Variants in SNAPC2 observed in about 807,000 individuals in gnomAD.
SNAPC2 encodes small nuclear RNA activating complex polypeptide 2.
A neutral mutation model predicts 22.9 loss-of-function variants in SNAPC2; 27 were observed. The observed-to-expected ratio is 1.18, with a 90% CI of 0.87 to 1.63. The LOEUF (loss-of-function observed/expected upper bound fraction) is 1.63, where lower values mean the gene tolerates loss of function less well. SNAPC2 is among the 40% of genes most tolerant of loss of function. The pLI is 0.00. For synonymous variants in SNAPC2, 272 were observed against 201.0 expected (o/e 1.35, Z -2.99); for missense variants, 570 against 449.1 (o/e 1.27, Z -2.43).
rs1424610309 is a variant in SNAPC2 at position 7,922,471 on chromosome 19, A to G, written c.712A>G (p.Met238Val). The G allele has an allele frequency of 1.3e-6, 2 of 1,597,114 alleles. No homozygotes were observed. The highest frequency in any genetic ancestry group is 1.3e-5 in the African/African-American group (1 of 74,294). The change falls in exon 5 of 5, where the codon ATG (methionine) becomes GTG (valine). Residue 238 changes from methionine (M) to valine (V), a missense_variant. Physicochemically the swap from Met to Val is conservative, Grantham distance 21. Coordinates refer to ENST00000221573, the MANE Select transcript of SNAPC2 (RefSeq NM_003083.4). Reference sequence around the variant, plus strand: ...GTCCGCTGTGGTCCTCGACCTGCTCATGTCACTTCCAGAGGAGCTGCCACT... The same window carrying G: ...GTCCGCTGTGGTCCTCGACCTGCTCGTGTCACTTCCAGAGGAGCTGCCACT... The part of the protein sequence containing the change: ...AESAVVLDLL[M>V]SLPEELPLLP...
Position 7,922,921 on chromosome 19 carries a change from G to C in SNAPC2, c.*157G>C. On this transcript the variant is annotated 3_prime_UTR_variant, in exon 5 of 5. Transcript: ENST00000221573. ...GCCTCTAAGATGCCCCATACTTTGG[G>C]GGTCTCAGAAATGGAACCCCCGTTG... 5.0e-6 allele frequency: 3 copies of C among 604,220 alleles called. No homozygotes were observed. Among genetic ancestry groups the C allele is most frequent in the South Asian group, 2.4e-5 (1 of 42,466 alleles). The allele number at this position is 604,220 out of a possible 1,614,324, so 37.4% of individuals were successfully genotyped here. A position where few individuals can be genotyped will look rare whatever the true frequency, so the allele number is the denominator to read the frequency against.
At position 7,921,506 on chromosome 19, in the gene SNAPC2, A is replaced by C. The variant is rs1340634958; in HGVS notation, c.267A>C (p.Pro89=). The C allele has an allele frequency of 6.2e-7, 1 of 1,613,574 alleles. No homozygotes were observed. Among genetic ancestry groups the C allele is most frequent in the Non-Finnish European group, 8.5e-7 (1 of 1,179,832 alleles). ...TGCATCCGGGTGGCCTTCAGGGACC[A>C]AGGCGCCGGGAGGCACAGCCCCCAG... The part of the protein sequence containing the change: ...QKVHPGGLQG[P]RRREAQPPAP... Residue 89 remains proline (P), a synonymous_variant, in exon 2 of 5, where the codon CCA becomes CCC. Transcript: ENST00000221573.
chr19:7,922,516 G>GTC lies in SNAPC2; in HGVS notation c.758_759insCT (p.Glu254LeufsTer4). 1 of 1,611,796 alleles carries GTC rather than the reference G, an allele frequency of 6.2e-7. No individual in the cohort carries two copies. The highest frequency in any genetic ancestry group is 1.1e-5 in the South Asian group (1 of 90,954). On this transcript the variant is annotated frameshift_variant, in exon 5 of 5. Coordinates refer to ENST00000221573, the MANE Select transcript of SNAPC2 (RefSeq NM_003083.4). LOFTEE classifies it low-confidence loss of function (END_TRUNC). ...GCCACTCCTGCCCTGCACAGCCCTGGTTGAGCATATGACGGAGACGTACCT... is the reference window on the plus strand; with the variant it reads ...GCCACTCCTGCCCTGCACAGCCCTGGTCTTGAGCATATGACGGAGACGTACCT...
rs370465466 is a variant in SNAPC2 at position 7,922,171 on chromosome 19, C to T, written c.509C>T (p.Ser170Phe). 4.3e-6 allele frequency: 7 copies of T among 1,614,174 alleles called. No homozygotes were observed. The African/African-American group carries it at 6.7e-5, about 15-fold the overall frequency. The change falls in exon 4 of 5, where the codon TCT becomes TTT. Residue 170 changes from serine to phenylalanine, a missense_variant. Ser to Phe is a radical substitution (Grantham distance 155). Transcript: ENST00000221573. Reference protein sequence around the residue: ...QEDPAPEIPSSAPAAPSSAPR... With the variant: ...QEDPAPEIPSFAPAAPSSAPR... ...GACCCCGCCCCTGAAATACCTAGCT[C>T]TGCCCCTGCTGCACCTAGCTCCGCA...
rs747428865 is a variant in SNAPC2, at chr19:7,920,435, C to G, written c.69C>G (p.Thr23=). The change falls in exon 1 of 5, where the codon ACC becomes ACG. Residue 23 remains threonine, a synonymous_variant. Coordinates refer to ENST00000221573, the MANE Select transcript of SNAPC2 (RefSeq NM_003083.4). ...TGGGCGAGGTGACCGGTCCCGCGAC[C>G]TGGAGCGCTCGCGAGAAGCGGCAGC... ...RYLGEVTGPA[T]WSAREKRQLV... is the part of the protein sequence containing the mutation. 3 of 1,571,060 alleles carry G rather than the reference C, an allele frequency of 1.9e-6. No homozygotes were observed. Among genetic ancestry groups the G allele is most frequent in the South Asian group, 2.3e-5 (2 of 87,900 alleles).
chr19:7,921,716 T>G lies in SNAPC2; in HGVS notation c.315T>G (p.Asp105Glu). The G allele has an allele frequency of 6.2e-7, 1 of 1,613,680 alleles. No individual in the cohort carries two copies. Among genetic ancestry groups the G allele is most frequent in the Non-Finnish European group, 8.5e-7 (1 of 1,179,826 alleles). ...QPPAPIEVWT[D>E]LAEKITGPLE... ...CTGGCTTCACTCAGGTCTGGACGGA[T>G]CTGGCTGAGAAGATAACAGGGCCAC... Residue 105 changes from aspartate to glutamate, a missense_variant, in exon 3 of 5, where the codon GAT becomes GAG. Transcript: ENST00000221573.
In SNAPC2 at chr19:7,923,019, G is replaced by T; in HGVS notation, c.*255G>T. ...ATGTCAAGGACAGGCGGACAGGGCT[G>T]GCCTCCCCCAGTCCCCAAGCCCCAC... is the stretch of plus-strand genomic sequence containing the variant. On this transcript the variant is annotated 3_prime_UTR_variant, in exon 5 of 5. Transcript: ENST00000221573. 2.2e-6 allele frequency: 1 copy of T among 457,804 alleles called. No individual in the cohort carries two copies. Among genetic ancestry groups the T allele is most frequent in the Non-Finnish European group, 3.9e-6 (1 of 258,474 alleles). The allele number at this position is 457,804 out of a possible 1,614,324, so 28.4% of individuals were successfully genotyped here.
In SNAPC2 at chr19:7,922,861, G is replaced by T. The variant is rs1983637519; in HGVS notation, c.*97G>T. On this transcript the variant is annotated 3_prime_UTR_variant, in exon 5 of 5. Coordinates refer to ENST00000221573, the MANE Select transcript of SNAPC2 (RefSeq NM_003083.4). The stretch of plus-strand genomic sequence containing the variant: ...TCTTTCTGAGGATCCCGTCATGGGG[G>T]AAGGTCCTTGAGATGATGCTCAGCT... The T allele has an allele frequency of 6.1e-6, 6 of 979,088 alleles. 1 individual carries two copies. In the South Asian group the frequency reaches 6.5e-5, roughly 11 times the overall value. 60.7% of individuals were successfully genotyped at this position (979,088 alleles called of 1,614,324 possible). A position where few individuals can be genotyped will look rare whatever the true frequency, so the allele number is the denominator to read the frequency against.
rs772865347 is a variant in SNAPC2 at position 7,921,396 on chromosome 19, T to C, written c.184-27T>C. ...CTGCAGCCCTGAGCTCATAGAAGCCTCATTCCGCCGCCTCTTTCCTTTCTA... is the reference window on the plus strand; with the variant it reads ...CTGCAGCCCTGAGCTCATAGAAGCCCCATTCCGCCGCCTCTTTCCTTTCTA... On this transcript the variant is annotated intron_variant, in intron 1 of 4. Coordinates refer to ENST00000221573, the MANE Select transcript of SNAPC2 (RefSeq NM_003083.4). 7.4e-6 allele frequency: 12 copies of C among 1,613,658 alleles called. No homozygotes were observed. In the Admixed American group the frequency reaches 1.7e-4, roughly 22 times the overall value.
At chr19:7,921,874 G>T (rs751378362) in intron 3 of SNAPC2, 101 bp downstream of exon 3, 4 of 1,413,608 alleles carry the variant, frequency 2.8e-6, no homozygotes, top group Non-Finnish European at 4.0e-6. Flanking sequence ...CCAGCTCTGT[G>T]GACTCCGTCA....
chr19:7,921,463 G>T lies in SNAPC2; in HGVS notation c.224G>T (p.Arg75Leu). The part of the protein sequence containing the change: ...FLQQLKGRVA[R>L]EAIQKVHPGG... ...CAGCAGCTCAAGGGCCGCGTAGCCC[G>T]GGAGGCCATTCAGAAAGTGCATCCG... Residue 75 changes from arginine to leucine, a missense_variant, in exon 2 of 5, where the codon CGG (arginine) becomes CTG (leucine). Arg to Leu is a moderately radical substitution (Grantham distance 102). Coordinates refer to ENST00000221573, the MANE Select transcript of SNAPC2 (RefSeq NM_003083.4). The T allele has an allele frequency of 1.9e-6, 3 of 1,613,832 alleles. No individual in the cohort carries two copies. Among genetic ancestry groups the T allele is most frequent in the Non-Finnish European group, 1.7e-6 (2 of 1,179,830 alleles).
In SNAPC2 at chr19:7,922,915, CT is replaced by C. The variant is rs1983641300; in HGVS notation, c.*154del. On this transcript the variant is annotated 3_prime_UTR_variant, in exon 5 of 5. Transcript: ENST00000221573. ...GGGCGGGCCTCTAAGATGCCCCATA[CT>C]TTGGGGGTCTCAGAAATGGAACCCC... The C allele has an allele frequency of 4.8e-6, 3 of 629,060 alleles. No homozygotes were observed. Among genetic ancestry groups the C allele is most frequent in the Non-Finnish European group, 8.0e-6 (3 of 375,948 alleles). The allele number at this position is 629,060 out of a possible 1,614,324, so 39.0% of individuals were successfully genotyped here.
rs370485799 is a variant in SNAPC2 at position 7,922,634 on chromosome 19, C to T, written c.875C>T (p.Thr292Ile). ...DGAGSKAPEETPPATEKAEHS... is the reference protein window; with the variant it reads ...DGAGSKAPEEIPPATEKAEHS... Reference sequence around the variant, plus strand: ...GCTGGCTCCAAGGCACCAGAGGAGACCCCCCCAGCCACCGAGAAGGCCGAG... The same window carrying T: ...GCTGGCTCCAAGGCACCAGAGGAGATCCCCCCAGCCACCGAGAAGGCCGAG... The change falls in exon 5 of 5, where the codon ACC becomes ATC. Residue 292 changes from threonine to isoleucine, a missense_variant. Transcript: ENST00000221573. 27 of 1,606,272 alleles carry T rather than the reference C, an allele frequency of 1.7e-5. No homozygotes were observed. The highest frequency in any genetic ancestry group is 2.2e-5 in the Non-Finnish European group (26 of 1,176,464).
In SNAPC2 at chr19:7,922,313, C is replaced by T. The variant is rs770708159; in HGVS notation, c.651C>T (p.Ser217=). ...TCTACAAGTACTTGTCCTCTGTCTC[C>T]CGAAGTGGCCGCAGCCCCGAGCTCT... is the stretch of plus-strand genomic sequence containing the variant. ...EKIYKYLSSV[S]RSGRSPELSA... Residue 217 remains serine, a synonymous_variant, in exon 4 of 5, where the codon TCC becomes TCT. Transcript: ENST00000221573. 1.5e-5 allele frequency: 25 copies of T among 1,613,764 alleles called. No homozygotes were observed. The highest frequency in any genetic ancestry group is 4.5e-5 in the East Asian group (2 of 44,876).
rs778692661 is a variant in SNAPC2, at chr19:7,921,486, C to G, written c.247C>G (p.Pro83Ala). The G allele has an allele frequency of 6.2e-7, 1 of 1,613,858 alleles. No homozygotes were observed. Among genetic ancestry groups the G allele is most frequent in the Non-Finnish European group, 8.5e-7 (1 of 1,179,876 alleles). ...CCGGGAGGCCATTCAGAAAGTGCAT[C>G]CGGGTGGCCTTCAGGGACCAAGGCG... is the stretch of plus-strand genomic sequence containing the variant. ...VAREAIQKVHPGGLQGPRRRE... is the reference protein window; with the variant it reads ...VAREAIQKVHAGGLQGPRRRE... The change falls in exon 2 of 5, where the codon CCG becomes GCG. Residue 83 changes from proline (P) to alanine (A), a missense_variant. Coordinates refer to ENST00000221573, the MANE Select transcript of SNAPC2 (RefSeq NM_003083.4).
Position 7,922,126 on chromosome 19 carries a change from G to A in SNAPC2, c.464G>A (p.Ser155Asn). Reference protein sequence around the residue: ...TQARGKPLLLSAPGGQEDPAP... With the variant: ...TQARGKPLLLNAPGGQEDPAP... ...GCCCGTGGAAAGCCTTTGCTCCTGA[G>A]CGCCCCTGGAGGACAGGAAGACCCC... The change falls in exon 4 of 5, where the codon AGC (serine) becomes AAC (asparagine). Residue 155 changes from serine (S) to asparagine (N), a missense_variant. Coordinates refer to ENST00000221573, the MANE Select transcript of SNAPC2 (RefSeq NM_003083.4). 6.2e-7 allele frequency: 1 copy of A among 1,613,990 alleles called. No homozygotes were observed.
Position 7,922,587 on chromosome 19 carries a change from G to A in SNAPC2, c.828G>A (p.Gly276=), listed in dbSNP as rs752530477. The change falls in exon 5 of 5, where the codon GGG becomes GGA. Residue 276 remains glycine (G), a synonymous_variant. Transcript: ENST00000221573. ...CCATTCCCGCTGGAGGGAGCCTGGGGCCTGCAGCAGAAGGGGATGGGGCTG... is the reference window on the plus strand; with the variant it reads ...CCATTCCCGCTGGAGGGAGCCTGGGACCTGCAGCAGAAGGGGATGGGGCTG... ...PQPIPAGGSL[G]PAAEGDGAGS... The A allele has an allele frequency of 7.4e-6, 12 of 1,613,488 alleles. No homozygotes were observed. The highest frequency in any genetic ancestry group is 2.7e-5 in the African/African-American group (2 of 74,906).
rs752708385 is a variant in SNAPC2 at position 7,922,200 on chromosome 19, A to G, written c.538A>G (p.Arg180Gly). 1.9e-6 allele frequency: 3 copies of G among 1,614,118 alleles called. No individual in the cohort carries two copies. Among genetic ancestry groups the G allele is most frequent in the African/African-American group, 1.3e-5 (1 of 75,042 alleles). ...CCCTGCTGCACCTAGCTCCGCACCC[A>G]GGACTCCTGACCCTGCCCCTGAGAA... ...SAPAAPSSAP[R>G]TPDPAPEKPS... is the part of the protein sequence containing the mutation. The change falls in exon 4 of 5, where the codon AGG (arginine) becomes GGG (glycine). Residue 180 changes from arginine (R) to glycine (G), a missense_variant. Physicochemically the swap from Arg to Gly is moderately radical, Grantham distance 125. Coordinates refer to ENST00000221573, the MANE Select transcript of SNAPC2 (RefSeq NM_003083.4).
intron 1 of SNAPC2, chr19:7,920,920 A>C: frequency 3.9e-6 from 4 of 1,017,044 alleles, no homozygotes; most frequent in Non-Finnish European, 4.7e-6. Context: ...GTTAATAGCA[A>C]GACTTAAGGG....
Sources: allele counts gnomAD v4.1 joint callset, GRCh38; gene constraint gnomAD v4.1.1; transcripts MANE v1.5; gene names NCBI Gene and HGNC (gene_info 2026-07-23, HGNC 2026-07-21).